Variants in MAGI2 observed in about 807,000 individuals in gnomAD.
The protein encoded by MAGI2 is membrane associated guanylate kinase, WW and PDZ domain containing 2.
MAGI2 carries 35 observed loss-of-function variants against 133.3 expected under a neutral mutation model. The ratio of observed to expected loss-of-function variants is 0.26; its 90% CI spans 0.20 to 0.35. MAGI2 has a LOEUF of 0.35. Ranked by LOEUF, MAGI2 falls within the 10% of genes least tolerant of loss-of-function variation. The probability of loss-of-function intolerance (pLI) is 1.00; values close to 1 mark genes in which losing one functional copy is unlikely to be tolerated. For synonymous variants in MAGI2, 729 were observed against 710.6 expected (o/e 1.03, Z -0.41); for missense variants, 1,636 against 1,863.4 (o/e 0.88, Z 2.25).
intron 1 of MAGI2, among the ~76,000 whole-genome samples, chr7:79,283,195 G>C (rs1030473458): frequency 1.3e-5 from 2 of 152,006 alleles, no homozygotes; most frequent in Admixed American, 1.3e-4. Context: ...AGAGGATAGG[G>C]CTTAACTTTA....
chr7:78,488,069 C>T (rs917290282), intron 6 of MAGI2, among the ~76,000 whole-genome samples: 3 of 151,938 alleles, frequency 2.0e-5, no homozygotes, highest in South Asian at 2.1e-4. Flanking sequence ...ACTGTAAAAA[C>T]GGTCCGATAA....
At chr7:78,939,499 A>G (rs943089040) in intron 2 of MAGI2, among the ~76,000 whole-genome samples, 4 of 152,194 alleles carry the variant, frequency 2.6e-5, no homozygotes, top group African/African-American at 9.6e-5. Context: ...AAGAAAGAGC[A>G]AATGGTAAAG....
chr7:79,306,579 G>T lies in MAGI2; in HGVS notation c.301+146441C>A, dbSNP rs79000161. On this transcript the variant is annotated intron_variant, in intron 1 of 21. Transcript: ENST00000354212. Reference sequence around the variant, plus strand: ...ATGTCAACTTGAATTTGTCTCTGTTGAACTTTACCTTGTCATGATGCAGAT... The same window carrying T: ...ATGTCAACTTGAATTTGTCTCTGTTTAACTTTACCTTGTCATGATGCAGAT... Among the ~76,000 whole-genome samples, 779 of 152,052 alleles carry T rather than the reference G, an allele frequency of 5.1e-3. 4 individuals carry two copies. Among genetic ancestry groups the T allele is most frequent in the African/African-American group, 0.018 (736 of 41,482 alleles).
chr7:78,625,180 A>C (rs887925218), intron 3 of MAGI2, among the ~76,000 whole-genome samples: 1 of 152,308 alleles, frequency 6.6e-6, no homozygotes, highest in East Asian at 1.9e-4. Flanking sequence ...CATTTTAATT[A>C]AATGGATTCA....
At chr7:78,753,127 G>A (rs1218564008) in intron 2 of MAGI2, among the ~76,000 whole-genome samples, 2 of 152,090 alleles carry the variant, frequency 1.3e-5, no homozygotes, top group African/African-American at 4.8e-5. Flanking sequence ...TCATACTCAA[G>A]AATAAAAGAA....
intron 21 of MAGI2, among the ~76,000 whole-genome samples, chr7:78,042,024 C>T (rs962756518): frequency 1.3e-5 from 2 of 152,172 alleles, no homozygotes; most frequent in African/African-American, 4.8e-5. Flanking sequence ...CTTTCTAAGG[C>T]TGAAAGATGG....
chr7:78,805,415 G>A (rs1223976031), intron 2 of MAGI2, among the ~76,000 whole-genome samples: 7 of 152,028 alleles, frequency 4.6e-5, no homozygotes, highest in Non-Finnish European at 7.4e-5. Flanking sequence ...AAAGATATGA[G>A]GTAGGAGAGA....
intron 20 of MAGI2, among the ~76,000 whole-genome samples, chr7:78,102,400 A>T (rs1233141201): frequency 6.6e-6 from 1 of 152,226 alleles, no homozygotes; most frequent in African/African-American, 2.4e-5. Context: ...GGGTATGTGA[A>T]TTAGTTTGAT....
chr7:79,375,966 T>C (rs111276763), intron 1 of MAGI2, among the ~76,000 whole-genome samples: 5,277 of 152,050 alleles, frequency 0.035, 126 homozygotes, highest in Non-Finnish European at 0.055. Context: ...TATTGTTGGT[T>C]TAATTTTTTT....
intron 21 of MAGI2, among the ~76,000 whole-genome samples, chr7:78,043,374 C>A (rs1043386589): frequency 6.6e-6 from 1 of 152,078 alleles, no homozygotes; most frequent in African/African-American, 2.4e-5. Flanking sequence ...AAAATACCTG[C>A]GTAGCCAGTT....
intron 2 of MAGI2, among the ~76,000 whole-genome samples, chr7:78,723,615 G>T (rs939631928): frequency 1.3e-5 from 2 of 152,150 alleles, no homozygotes; most frequent in Non-Finnish European, 2.9e-5. Flanking sequence ...TTAGGCACAA[G>T]AGCAAGAGGG....
chr7:78,116,156 C>T (rs1393462508), intron 20 of MAGI2, among the ~76,000 whole-genome samples: 2 of 151,974 alleles, frequency 1.3e-5, no homozygotes, highest in Non-Finnish European at 2.9e-5. Flanking sequence ...AGAAAACTAA[C>T]TAGAAAATCC....
At chr7:78,220,451 G>A (rs1788701733) in intron 10 of MAGI2, among the ~76,000 whole-genome samples, 1 of 152,132 alleles carries the variant, frequency 6.6e-6, no homozygotes, top group African/African-American at 2.4e-5. Flanking sequence ...TGAGGGCAGG[G>A]GCAACATCCT....
intron 21 of MAGI2, among the ~76,000 whole-genome samples, chr7:78,051,063 G>A (rs2151108458): frequency 6.6e-6 from 1 of 152,330 alleles, no homozygotes; most frequent in South Asian, 2.1e-4. Context: ...ATTAGTCACT[G>A]TTTAGTGTGC....
intron 2 of MAGI2, among the ~76,000 whole-genome samples, chr7:78,907,734 A>T (rs1263109260): frequency 6.6e-6 from 1 of 152,160 alleles, no homozygotes; most frequent in Non-Finnish European, 1.5e-5. Flanking sequence ...TCCACTAAAA[A>T]ATTAGGCCTC....
chr7:79,005,328 T>C (rs76175643), intron 2 of MAGI2, among the ~76,000 whole-genome samples: 6,923 of 152,220 alleles, frequency 0.045, 228 homozygotes, highest in South Asian at 0.11. Context: ...ATCTCCTTTA[T>C]AGGAGCTATC....
At chr7:78,648,153 T>A (rs1487603834) in intron 2 of MAGI2, among the ~76,000 whole-genome samples, 1 of 151,852 alleles carries the variant, frequency 6.6e-6, no homozygotes, top group Non-Finnish European at 1.5e-5. Context: ...AATAAAAAAA[T>A]TACACTACAA....
chr7:79,022,240 A>G (rs892181984), intron 1 of MAGI2, among the ~76,000 whole-genome samples: 3 of 152,214 alleles, frequency 2.0e-5, no homozygotes, highest in African/African-American at 7.2e-5. Context: ...AAATAATACA[A>G]TTAAATGGAC....
At chr7:78,102,986 G>C (rs993600570) in intron 20 of MAGI2, among the ~76,000 whole-genome samples, 6 of 152,074 alleles carry the variant, frequency 3.9e-5, no homozygotes, top group Non-Finnish European at 8.8e-5. Flanking sequence ...AAGGCACTTG[G>C]GGGATAGGGC....
Sources: allele counts gnomAD v4.1 joint callset (sites outside exome capture counted in the v4.1 genomes callset), GRCh38; gene constraint gnomAD v4.1.1; transcripts MANE v1.5; gene names NCBI Gene and HGNC (gene_info 2026-07-23, HGNC 2026-07-21).